AHCYL2: variants seen among roughly 807,000 people sequenced by gnomAD.
AHCYL2 encodes the protein adenosylhomocysteinase like 2, also known as S-adenosylhomocysteine hydrolase-like protein 2.
A neutral mutation model predicts 81.4 loss-of-function variants in AHCYL2; 28 were observed. The ratio of observed to expected loss-of-function variants is 0.34; its 90% CI spans 0.25 to 0.47. The LOEUF (loss-of-function observed/expected upper bound fraction) is 0.47, where lower values mean the gene tolerates loss of function less well. AHCYL2 is among the 20% of genes least tolerant of loss of function. The pLI is 1.00. For missense variants in AHCYL2, 551 were observed against 785.1 expected, an observed-to-expected ratio of 0.70 and a Z score of 3.56; for synonymous variants, 272 against 290.2, an observed-to-expected ratio of 0.94 and a Z score of 0.64.
At chr7:129,301,152 G>A (rs1440866439) in intron 1 of AHCYL2, among the ~76,000 whole-genome samples, 1 of 152,044 alleles carries the variant, frequency 6.6e-6, no homozygotes, top group Non-Finnish European at 1.5e-5. Context: ...TTTGCCATTT[G>A]TATGTCTTTT....
chr7:129,333,308 C>CAAAAA (rs1181621904), intron 1 of AHCYL2, among the ~76,000 whole-genome samples: 1 of 67,508 alleles, frequency 1.5e-5, no homozygotes, highest in African/African-American at 4.9e-5. Flanking sequence ...CATCTCTACC[C>CAAAAA]AAAAAAAAAA....
rs753139386 is a variant in AHCYL2 at position 129,405,819 on chromosome 7, GT to G, written c.1143-8del. 74 of 1,567,970 alleles carry G rather than the reference GT, an allele frequency of 4.7e-5. No individual in the cohort carries two copies. Among genetic ancestry groups the G allele is most frequent in the South Asian group, 1.8e-4 (15 of 85,034 alleles). On this transcript the variant is annotated splice_polypyrimidine_tract_variant and intron_variant, in intron 8 of 16. Coordinates refer to ENST00000325006, the MANE Select transcript of AHCYL2 (RefSeq NM_015328.4). ...CAAGAGAAGATTTTTCTGATTTAAT[GT>G]TTTTTTTTCCCCTAGACTTAAAAGG...
rs148753707 is a variant in AHCYL2 at position 129,297,005 on chromosome 7, A to C, written c.363+71566A>C. 2.1e-4 allele frequency among the ~76,000 whole-genome samples: 32 copies of C among 152,284 alleles called. No individual in the cohort carries two copies. In the East Asian group the frequency reaches 3.7e-3, roughly 17 times the overall value. Reference sequence around the variant, plus strand: ...GAGTTTTCGGAAGCTTAAAGTTTATATTCTTTTTGAGATTTAATATATGTC... The same window carrying C: ...GAGTTTTCGGAAGCTTAAAGTTTATCTTCTTTTTGAGATTTAATATATGTC... On this transcript the variant is annotated intron_variant, in intron 1 of 16. Transcript: ENST00000325006.
At chr7:129,383,291 C>T (rs1296004004) in intron 2 of AHCYL2, among the ~76,000 whole-genome samples, 1 of 151,980 alleles carries the variant, frequency 6.6e-6, no homozygotes, top group East Asian at 1.9e-4. Context: ...TCAGCCTCCC[C>T]AGTAACTAGG....
chr7:129,325,780 T>C (rs1798200725), intron 1 of AHCYL2, among the ~76,000 whole-genome samples: 1 of 151,796 alleles, frequency 6.6e-6, no homozygotes, highest in South Asian at 2.1e-4. Context: ...GGAGTGTAGT[T>C]GTGCAACCTC....
In AHCYL2 at chr7:129,430,031, ATATATC is replaced by A. The variant is rs1797519393; in HGVS notation, c.*2992_*2997del. On this transcript the variant is annotated 3_prime_UTR_variant, in exon 17 of 17. Transcript: ENST00000325006. ...AAACTCTATATATACATATATATAT[ATATATC>A]TATATATCTATATACGTAATCATCT... 6.6e-6 allele frequency: 1 copy of A among 150,566 alleles called. No individual in the cohort carries two copies. Among genetic ancestry groups the A allele is most frequent in the Admixed American group, 6.6e-5 (1 of 15,046 alleles). 9.3% of individuals were successfully genotyped at this position (150,566 alleles called of 1,614,324 possible).
At chr7:129,307,004 C>G (rs939695851) in intron 1 of AHCYL2, among the ~76,000 whole-genome samples, 2 of 152,148 alleles carry the variant, frequency 1.3e-5, no homozygotes, top group African/African-American at 4.8e-5. Context: ...TGAGGTAACA[C>G]AAGCAGCCCT....
Position 129,413,625 on chromosome 7 carries a change from G to A in AHCYL2, c.1398G>A (p.Leu466=). 1 of 1,614,102 alleles carries A rather than the reference G, an allele frequency of 6.2e-7. No homozygotes were observed. Among genetic ancestry groups the A allele is most frequent in the East Asian group, 2.2e-5 (1 of 44,878 alleles). ...GNKNVVTREH[L]DRMKNSCIVC... is the part of the protein sequence containing the mutation. ...AGAATGTGGTAACCAGAGAGCACTT[G>A]GACCGTATGAAGAATAGCTGCATCG... Residue 466 remains leucine (L), a synonymous_variant, in exon 12 of 17, where the codon TTG becomes TTA. Coordinates refer to ENST00000325006, the MANE Select transcript of AHCYL2 (RefSeq NM_015328.4).
intron 1 of AHCYL2, among the ~76,000 whole-genome samples, chr7:129,279,742 A>C (rs1284286208): frequency 6.6e-6 from 1 of 152,212 alleles, no homozygotes; most frequent in Admixed American, 6.5e-5. Context: ...TTGCAGGAAA[A>C]GGGGAGGCAT....
intron 1 of AHCYL2, among the ~76,000 whole-genome samples, chr7:129,236,752 A>G (rs1794658930): frequency 6.6e-6 from 1 of 152,204 alleles, no homozygotes; most frequent in Non-Finnish European, 1.5e-5. Flanking sequence ...GTATTTTTCC[A>G]TCTTTGGGGG....
intron 1 of AHCYL2, among the ~76,000 whole-genome samples, chr7:129,370,494 C>A (rs560127852): frequency 4.8e-4 from 73 of 152,164 alleles, no homozygotes; most frequent in African/African-American, 1.4e-3. Context: ...GTCAGGAGAT[C>A]AAGATCATCC....
intron 1 of AHCYL2, among the ~76,000 whole-genome samples, chr7:129,332,085 G>A (rs898412244): frequency 6.6e-6 from 1 of 151,808 alleles, no homozygotes; most frequent in African/African-American, 2.4e-5. Flanking sequence ...TAAAAATATG[G>A]CATAATACTT....
intron 12 of AHCYL2, among the ~76,000 whole-genome samples, chr7:129,416,225 A>G (rs1373178392): frequency 6.6e-6 from 1 of 152,200 alleles, no homozygotes; most frequent in Non-Finnish European, 1.5e-5. Flanking sequence ...CCTAGGATAA[A>G]GACCAGAAGA....
intron 11 of AHCYL2, among the ~76,000 whole-genome samples, chr7:129,412,763 AATG>A (rs974789336): frequency 6.6e-5 from 10 of 152,136 alleles, no homozygotes; most frequent in Non-Finnish European, 1.3e-4. Flanking sequence ...CCTGATGACT[AATG>A]ATGATGAGCA....
At chr7:129,275,712 T>C (rs989168458) in intron 1 of AHCYL2, among the ~76,000 whole-genome samples, 2 of 151,970 alleles carry the variant, frequency 1.3e-5, no homozygotes, top group Non-Finnish European at 2.9e-5. Context: ...AATAGATAGA[T>C]AGAATACAAA....
At position 129,245,093 on chromosome 7, in the gene AHCYL2, C is replaced by T. The variant is rs373123172; in HGVS notation, c.363+19654C>T. On this transcript the variant is annotated intron_variant, in intron 1 of 16. Transcript: ENST00000325006. ...AGGCTGGAGTGCAGTGGCACAGTCTCGGCTCACTGCAGTCTCCGCCTCCTG... is the reference window on the plus strand; with the variant it reads ...AGGCTGGAGTGCAGTGGCACAGTCTTGGCTCACTGCAGTCTCCGCCTCCTG... 4.7e-5 allele frequency among the ~76,000 whole-genome samples: 7 copies of T among 148,246 alleles called. No individual in the cohort carries two copies. The South Asian group carries it at 1.1e-3, about 23-fold the overall frequency.
chr7:129,299,305 C>A (rs1396114965), intron 1 of AHCYL2, among the ~76,000 whole-genome samples: 1 of 141,914 alleles, frequency 7.0e-6, no homozygotes, highest in African/African-American at 2.6e-5. Flanking sequence ...AAAAAACTAT[C>A]CGGGCATAGT....
chr7:129,366,677 G>A (rs2150850672), intron 1 of AHCYL2, among the ~76,000 whole-genome samples: 1 of 151,812 alleles, frequency 6.6e-6, no homozygotes, highest in South Asian at 2.1e-4. Flanking sequence ...TCGGGAGGCT[G>A]AGGCAGGAGA....
chr7:129,406,247 T>G lies in AHCYL2; in HGVS notation c.1207-131T>G, dbSNP rs1796301479. On this transcript the variant is annotated intron_variant, in intron 9 of 16. Coordinates refer to ENST00000325006, the MANE Select transcript of AHCYL2 (RefSeq NM_015328.4). The surrounding 1 kb of genome is among the most constrained non-coding windows in gnomAD (Gnocchi z 4.3). ...CATTCAATTATTTGTTCTTCTCGTT[T>G]TCCCCAAGTATGAATCTATTCAGTG... The G allele has an allele frequency of 2.6e-6, 2 of 762,678 alleles. No individual in the cohort carries two copies. Among genetic ancestry groups the G allele is most frequent in the Non-Finnish European group, 4.3e-6 (2 of 465,432 alleles). 47.2% of individuals were successfully genotyped at this position (762,678 alleles called of 1,614,324 possible).
Sources: allele counts gnomAD v4.1 joint callset (sites outside exome capture counted in the v4.1 genomes callset), GRCh38; gene constraint gnomAD v4.1.1; non-coding constraint Gnocchi (gnomAD v3.1); transcripts MANE v1.5; gene names NCBI Gene and HGNC (gene_info 2026-07-23, HGNC 2026-07-21).